Variants in TIAM1 observed in about 807,000 individuals in gnomAD.
The protein encoded by TIAM1 is TIAM Rac1 associated GEF 1.
In TIAM1, 65 loss-of-function variants were observed where a neutral mutation model predicts 163.5. The ratio of observed to expected loss-of-function variants is 0.40; its 90% confidence interval spans 0.33 to 0.49. TIAM1 has a LOEUF of 0.49. TIAM1 is among the 20% of genes least tolerant of loss of function. The pLI, the probability that TIAM1 is intolerant of heterozygous loss-of-function variation, is 0.77. For synonymous variants in TIAM1, 833 were observed against 810.1 expected, an observed-to-expected ratio of 1.03 and a Z score of -0.48; for missense variants, 1,789 against 2,044.7, an observed-to-expected ratio of 0.87 and a Z score of 2.41.
intron 6 of TIAM1, among the ~76,000 whole-genome samples, chr21:31,229,228 C>A (rs1168771438): frequency 1.3e-5 from 2 of 152,058 alleles, no homozygotes; most frequent in Non-Finnish European, 2.9e-5. Flanking sequence ...TGGCCACCTT[C>A]TGTTTCTTCA....
chr21:31,292,120 C>T (rs537506951), intron 2 of TIAM1, among the ~76,000 whole-genome samples: 13 of 152,288 alleles, frequency 8.5e-5, no homozygotes, highest in Non-Finnish European at 1.5e-4. Context: ...AATATCCCTA[C>T]GAATCACTTT....
intron 2 of TIAM1, among the ~76,000 whole-genome samples, chr21:31,337,491 ATTG>A (rs2075877191): frequency 6.7e-6 from 1 of 150,254 alleles, no homozygotes; most frequent in East Asian, 2.0e-4. Flanking sequence ...AGGGTTAATA[ATTG>A]TTGTTTTTAT....
At chr21:31,492,491 T>G (rs1032238475) in intron 1 of TIAM1, among the ~76,000 whole-genome samples, 2 of 152,132 alleles carry the variant, frequency 1.3e-5, no homozygotes, top group African/African-American at 4.8e-5. Flanking sequence ...CAGAAAACTT[T>G]AAAGACTGAT....
chr21:31,424,846 T>C lies in TIAM1; in HGVS notation c.-369+39137A>G, dbSNP rs568725220. Reference sequence around the variant, plus strand: ...CAGGCGGATCACTTGAGGTCAGGAGTTCGAGACCAGCCTGACCAATATGGT... The same window carrying C: ...CAGGCGGATCACTTGAGGTCAGGAGCTCGAGACCAGCCTGACCAATATGGT... On this transcript the variant is annotated intron_variant, in intron 2 of 28. Coordinates refer to the TIAM1 transcript ENST00000286827. Among the ~76,000 whole-genome samples, 223 of 151,882 alleles carry C rather than the reference T, an allele frequency of 1.5e-3. 1 individual carries two copies. The highest frequency in any genetic ancestry group is 5.2e-3 in the African/African-American group (215 of 41,384).
chr21:31,469,396 C>A (rs1402461469), intron 1 of TIAM1, among the ~76,000 whole-genome samples: 2 of 152,094 alleles, frequency 1.3e-5, no homozygotes, highest in African/African-American at 2.4e-5. Context: ...CCACTGCACC[C>A]AGCCTGTCTG....
At chr21:31,130,389 C>A in intron 24 of TIAM1, 74 bp from the exon 25 acceptor site, 1 of 1,205,168 alleles carries the variant, frequency 8.3e-7, no homozygotes, top group Non-Finnish European at 1.2e-6. Context: ...ATTTTCTAAA[C>A]CAGCGACAGA....
At chr21:31,502,941 C>G (rs531749807) in intron 1 of TIAM1, among the ~76,000 whole-genome samples, 77 of 152,214 alleles carry the variant, frequency 5.1e-4, no homozygotes, top group African/African-American at 1.8e-3. Context: ...ATTGACTTGG[C>G]AGGGGCCAAA....
At chr21:31,548,778 C>T (rs990427140) in intron 1 of TIAM1, among the ~76,000 whole-genome samples, 2 of 152,112 alleles carry the variant, frequency 1.3e-5, no homozygotes, top group African/African-American at 2.4e-5. Context: ...CATGAGCCAC[C>T]GTGCCAGGCC....
intron 19 of TIAM1, among the ~76,000 whole-genome samples, chr21:31,147,487 T>C (rs1449315502): frequency 6.6e-6 from 1 of 151,514 alleles, no homozygotes; most frequent in African/African-American, 2.4e-5. Context: ...ACATAAGCAA[T>C]ATTAAAGGAA....
At chr21:31,257,870 C>T (rs995543293) in intron 4 of TIAM1, among the ~76,000 whole-genome samples, 1 of 152,050 alleles carries the variant, frequency 6.6e-6, no homozygotes, top group African/African-American at 2.4e-5. Flanking sequence ...AACTACCATG[C>T]CAACCTCTCC....
chr21:31,296,998 T>C (rs1406082865), intron 2 of TIAM1, among the ~76,000 whole-genome samples: 1 of 152,180 alleles, frequency 6.6e-6, no homozygotes, highest in Admixed American at 6.5e-5. Context: ...CTCAAAGGCA[T>C]ATCCTTGACA....
At chr21:31,344,917 ATTTCC>A, upstream of TIAM1, among the ~76,000 whole-genome samples, 4 of 152,136 alleles carry the variant, frequency 2.6e-5, no homozygotes, top group Non-Finnish European at 5.9e-5. Flanking sequence ...CCCAAATTTG[ATTTCC>A]CATGAGCAAT....
In TIAM1 at chr21:31,216,323, T is replaced by C. The variant is rs147643057; in HGVS notation, c.2142+1230A>G. Among the ~76,000 whole-genome samples the C allele has an allele frequency of 1.3e-4, 20 of 152,300 alleles. 1 individual carries two copies. The East Asian group carries it at 3.7e-3, about 28-fold the overall frequency. ...CCGAGCAAACAAGGAGAGATCATTC[T>C]ATCAAGTCAGTCGATGACGTCCTCT... On this transcript the variant is annotated intron_variant, in intron 9 of 27. Coordinates refer to ENST00000541036, the MANE Select transcript of TIAM1 (RefSeq NM_001353694.2).
At chr21:31,178,454 C>T (rs1037498609) in intron 15 of TIAM1, among the ~76,000 whole-genome samples, 14 of 151,794 alleles carry the variant, frequency 9.2e-5, no homozygotes, top group African/African-American at 3.4e-4. Context: ...CTACAGGCAC[C>T]CGCCACCTTG....
intron 13 of TIAM1, among the ~76,000 whole-genome samples, chr21:31,191,396 T>C (rs1217699448): frequency 6.6e-6 from 1 of 152,136 alleles, no homozygotes; most frequent in Non-Finnish European, 1.5e-5. Context: ...CCTCATGATC[T>C]GCCCACCTCG....
chr21:31,185,258 C>T (rs968060532), intron 14 of TIAM1, among the ~76,000 whole-genome samples: 10 of 151,550 alleles, frequency 6.6e-5, no homozygotes, highest in African/African-American at 2.2e-4. Flanking sequence ...TATAGTGGGT[C>T]GAATAGAGTC....
intron 1 of TIAM1, among the ~76,000 whole-genome samples, chr21:31,504,106 C>T (rs1293883948): frequency 1.3e-5 from 2 of 152,142 alleles, no homozygotes; most frequent in African/African-American, 2.4e-5. Flanking sequence ...GAAGCATGAG[C>T]GCTCTCCAAG....
intron 1 of TIAM1, among the ~76,000 whole-genome samples, chr21:31,557,493 G>A (rs1288480692): frequency 6.6e-6 from 1 of 152,158 alleles, no homozygotes; most frequent in Non-Finnish European, 1.5e-5. Context: ...CTGAGACACA[G>A]GAAGATAGAA....
chr21:31,478,373 C>A (rs532760019), intron 1 of TIAM1, among the ~76,000 whole-genome samples: 25 of 152,236 alleles, frequency 1.6e-4, no homozygotes, highest in African/African-American at 6.0e-4. Flanking sequence ...TTAAAAAAAT[C>A]AATCCATACA....
Sources: gnomAD v4.1 joint callset for allele counts (sites outside exome capture counted in the v4.1 genomes callset) on GRCh38, gnomAD v4.1.1 for gene constraint, MANE v1.5 for transcripts, NCBI Gene and HGNC (gene_info 2026-07-23, HGNC 2026-07-21) for gene names.